FANCL: variants seen among roughly 807,000 people sequenced by gnomAD.
FANCL encodes E3 ubiquitin-protein ligase FANCL.
Under a neutral mutation model 59.4 loss-of-function variants are expected in FANCL, and 69 were observed. The ratio of observed to expected loss-of-function variants is 1.16; its 90% CI spans 0.96 to 1.42. FANCL has a LOEUF of 1.42. Among genes scored for constraint, FANCL ranks in the 40% most tolerant of loss-of-function variants. The pLI is 0.00. For synonymous variants in FANCL, 180 were observed against 147.1 expected (o/e 1.22, Z -1.62); for missense variants, 519 against 447.2 (o/e 1.16, Z -1.45).
chr2:58,205,771 T>G (rs918431440), intron 5 of FANCL, among the ~76,000 whole-genome samples: 1 of 151,970 alleles, frequency 6.6e-6, no homozygotes, highest in African/African-American at 2.4e-5. Context: ...CTGGCAAAAA[T>G]GCAGTGTTCA....
chr2:58,185,557 T>C (rs922966866), intron 7 of FANCL, among the ~76,000 whole-genome samples: 1 of 152,202 alleles, frequency 6.6e-6, no homozygotes, highest in African/African-American at 2.4e-5. Context: ...AATAGTCTTA[T>C]AACACTGAAG....
chr2:58,226,744 TC>T lies in FANCL; in HGVS notation c.256del (p.Glu86SerfsTer2). ...AATTCTTACCAAAAGCATCTTCAACTCCATCATAAAGCTCATTAGATCAGGA... is the reference window on the plus strand; with the variant it reads ...AATTCTTACCAAAAGCATCTTCAACTCATCATAAAGCTCATTAGATCAGGA... Reference protein sequence around the residue: ...HSPDLMSFMMELKMLLEVALK... With the variant: ...HSPDLMSFMMXLKMLLEVALK... On this transcript the variant is annotated frameshift_variant, in exon 4 of 14. Coordinates refer to ENST00000233741, the MANE Select transcript of FANCL (RefSeq NM_018062.4). LOFTEE classifies it high-confidence loss of function. 6.2e-7 allele frequency: 1 copy of T among 1,613,136 alleles called. No homozygotes were observed. Among genetic ancestry groups the T allele is most frequent in the Non-Finnish European group, 8.5e-7 (1 of 1,179,466 alleles).
At chr2:58,216,508 A>T (rs1691735792) in intron 5 of FANCL, among the ~76,000 whole-genome samples, 1 of 152,154 alleles carries the variant, frequency 6.6e-6, no homozygotes, top group African/African-American at 2.4e-5. Flanking sequence ...TCCTTTCACC[A>T]GTTCTTTTGA....
intron 12 of FANCL, 84 bp downstream of exon 12, chr2:58,161,438 T>C: frequency 1.1e-6 from 1 of 899,082 alleles, no homozygotes; most frequent in Non-Finnish European, 1.9e-6. Context: ...ACTCAACAGA[T>C]TTTAGATTCT....
intron 7 of FANCL, among the ~76,000 whole-genome samples, chr2:58,185,208 T>C (rs1223828753): frequency 6.6e-6 from 1 of 152,060 alleles, no homozygotes; most frequent in Non-Finnish European, 1.5e-5. Context: ...AATAGACATC[T>C]CCACATCATT....
chr2:58,212,269 A>AT (rs1691247581), intron 5 of FANCL, among the ~76,000 whole-genome samples: 1 of 152,202 alleles, frequency 6.6e-6, no homozygotes, highest in African/African-American at 2.4e-5. Flanking sequence ...GAAACCCCTG[A>AT]TAAAACCATC....
intron 5 of FANCL, 31 bp downstream of exon 5, chr2:58,221,911 G>A: frequency 7.1e-7 from 1 of 1,406,450 alleles, no homozygotes; most frequent in South Asian, 1.2e-5. Context: ...TAAAACAAAG[G>A]CATTTAAAAC....
chr2:58,206,300 A>C (rs1180510295), intron 5 of FANCL, among the ~76,000 whole-genome samples: 4 of 152,010 alleles, frequency 2.6e-5, no homozygotes, highest in African/African-American at 9.7e-5. Context: ...TTCCTAAAAA[A>C]TAAAGAAATA....
At chr2:58,221,217 T>C (rs1308823954) in intron 5 of FANCL, among the ~76,000 whole-genome samples, 1 of 151,402 alleles carries the variant, frequency 6.6e-6, no homozygotes, top group Non-Finnish European at 1.5e-5. Context: ...GAACTAAAAA[T>C]TGGCATATTT....
At chr2:58,203,026 T>TAA (rs138392448) in intron 6 of FANCL, among the ~76,000 whole-genome samples, 2 of 134,172 alleles carry the variant, frequency 1.5e-5, no homozygotes, top group African/African-American at 2.6e-5. Flanking sequence ...AAATTTCTCT[T>TAA]AAAAAAAAAA....
intron 6 of FANCL, among the ~76,000 whole-genome samples, chr2:58,202,062 T>C (rs1690085942): frequency 6.6e-6 from 1 of 151,730 alleles, no homozygotes; most frequent in Non-Finnish European, 1.5e-5. Context: ...ACTATTAGTG[T>C]AGTTGACTGA....
intron 7 of FANCL, among the ~76,000 whole-genome samples, chr2:58,191,923 T>C (rs1469232192): frequency 6.6e-6 from 1 of 151,598 alleles, no homozygotes; most frequent in Non-Finnish European, 1.5e-5. Context: ...ATTCTTTCTC[T>C]CTTTTTATAA....
chr2:58,227,766 A>G (rs370706621), intron 3 of FANCL, among the ~76,000 whole-genome samples: 16 of 152,192 alleles, frequency 1.1e-4, no homozygotes, highest in African/African-American at 3.6e-4. Context: ...CACCTAGGTC[A>G]GTGGGCACAG....
At chr2:58,224,647 C>T (rs1360395651) in intron 4 of FANCL, among the ~76,000 whole-genome samples, 1 of 151,714 alleles carries the variant, frequency 6.6e-6, no homozygotes, top group African/African-American at 2.4e-5. Flanking sequence ...AAAGAAATAT[C>T]AAAACTTTCC....
At chr2:58,208,126 A>C (rs768460578) in intron 5 of FANCL, among the ~76,000 whole-genome samples, 10 of 152,190 alleles carry the variant, frequency 6.6e-5, no homozygotes, top group Non-Finnish European at 1.5e-4. Context: ...AATAACTTTC[A>C]TTCACTTAAA....
At chr2:58,215,553 T>C (rs1335271925) in intron 5 of FANCL, among the ~76,000 whole-genome samples, 1 of 151,972 alleles carries the variant, frequency 6.6e-6, no homozygotes, top group African/African-American at 2.4e-5. Flanking sequence ...GACCAGGCCT[T>C]GAAGGGCCAA....
chr2:58,240,972 G>A (rs991826472), intron 1 of FANCL, among the ~76,000 whole-genome samples: 5 of 152,228 alleles, frequency 3.3e-5, no homozygotes, highest in African/African-American at 1.2e-4. Flanking sequence ...GCTAGGGAGA[G>A]AGGAGGCGTG....
At chr2:58,217,943 G>A (rs1002895760) in intron 5 of FANCL, among the ~76,000 whole-genome samples, 1 of 152,058 alleles carries the variant, frequency 6.6e-6, no homozygotes, top group African/African-American at 2.4e-5. Context: ...TTGACAAGGT[G>A]CTGGGTCATA....
intron 7 of FANCL, among the ~76,000 whole-genome samples, chr2:58,179,159 T>G (rs1379778270): frequency 6.6e-6 from 1 of 152,060 alleles, no homozygotes; most frequent in Non-Finnish European, 1.5e-5. Context: ...CATACTGCCC[T>G]AAGTAATTTA....
Sources: gnomAD v4.1 joint callset for allele counts (sites outside exome capture counted in the v4.1 genomes callset) on GRCh38, gnomAD v4.1.1 for gene constraint, MANE v1.5 for transcripts, NCBI Gene and HGNC (gene_info 2026-07-23, HGNC 2026-07-21) for gene names.